Variants in MTBP observed in about 807,000 individuals in gnomAD.
MTBP encodes MDM2 binding protein.
A neutral mutation model predicts 117.0 loss-of-function variants in MTBP; 101 were observed. The observed-to-expected ratio is 0.86, with a 90% CI of 0.73 to 1.02. The LOEUF is 1.02. MTBP is among the 50% of genes least tolerant of loss of function. The pLI, the probability that MTBP is intolerant of heterozygous loss-of-function variation, is 0.00. For missense variants in MTBP, 970 were observed against 1,030.9 expected (o/e 0.94, Z 0.81); for synonymous variants, 350 against 351.5 (o/e 1.00, Z 0.05).
At chr8:120,501,882 C>T (rs1440191613) in intron 14 of MTBP, among the ~76,000 whole-genome samples, 1 of 152,142 alleles carries the variant, frequency 6.6e-6, no homozygotes, top group East Asian at 1.9e-4. Context: ...ATATAGTTCA[C>T]TGCAGTGTAT....
chr8:120,454,000 T>G (rs780906819), intron 5 of MTBP, 95 bp downstream of exon 5: 22 of 659,600 alleles, frequency 3.3e-5, no homozygotes, highest in Non-Finnish European at 5.2e-5. Context: ...GTGTTCTCAC[T>G]CTAATCTTTA....
At chr8:120,496,887 C>G (rs1814476541) in intron 13 of MTBP, among the ~76,000 whole-genome samples, 1 of 152,176 alleles carries the variant, frequency 6.6e-6, no homozygotes, top group Non-Finnish European at 1.5e-5. Flanking sequence ...TCCAAGGTGG[C>G]TCTTCCTCTG....
intron 13 of MTBP, among the ~76,000 whole-genome samples, chr8:120,495,861 A>G (rs566810494): frequency 6.6e-6 from 1 of 151,890 alleles, no homozygotes; most frequent in South Asian, 2.1e-4. Flanking sequence ...GCTTTCTACA[A>G]TGCTTTTGTT....
chr8:120,468,564 G>A (rs1167514717), intron 10 of MTBP, among the ~76,000 whole-genome samples: 2 of 152,178 alleles, frequency 1.3e-5, no homozygotes, highest in East Asian at 3.9e-4. Flanking sequence ...GAGAGGTCAG[G>A]TGAATATGAT....
chr8:120,513,777 T>C (rs78653466), intron 17 of MTBP, among the ~76,000 whole-genome samples: 3,310 of 152,140 alleles, frequency 0.022, 59 homozygotes, highest in Middle Eastern at 0.054. Flanking sequence ...GCCAGACTCT[T>C]GAAATTCACA....
rs187575191 is a variant in MTBP at position 120,466,242 on chromosome 8, C to T, written c.1047+2481C>T. Among the ~76,000 whole-genome samples the T allele has an allele frequency of 5.3e-3, 736 of 139,580 alleles. 8 individuals are homozygous for T. Among genetic ancestry groups the T allele is most frequent in the African/African-American group, 0.018 (654 of 36,196 alleles). The allele number at this position is 139,580 out of a possible 152,430, so 91.6% of individuals were successfully genotyped here. A position where few individuals can be genotyped will look rare whatever the true frequency, so the allele number is the denominator to read the frequency against. ...TTTTTTTTTTTTTTAGACGGAGTCT[C>T]GCTCTATTGCCCAGGCTGGAGTGCA... On this transcript the variant is annotated intron_variant, in intron 10 of 21. Coordinates refer to ENST00000305949, the MANE Select transcript of MTBP (RefSeq NM_022045.5).
intron 12 of MTBP, among the ~76,000 whole-genome samples, chr8:120,488,675 T>G (rs1054753676): frequency 6.6e-6 from 1 of 152,198 alleles, no homozygotes; most frequent in African/African-American, 2.4e-5. Context: ...TCTATTTTAT[T>G]GCCCATCTTT....
chr8:120,453,629 T>C (rs1264366340), intron 4 of MTBP, among the ~76,000 whole-genome samples: 1 of 152,030 alleles, frequency 6.6e-6, no homozygotes, highest in East Asian at 1.9e-4. Context: ...CTAGCTTCCA[T>C]ACATACTAAT....
At chr8:120,515,252 G>T (rs1563806337) in intron 17 of MTBP, among the ~76,000 whole-genome samples, 1 of 152,006 alleles carries the variant, frequency 6.6e-6, no homozygotes, top group African/African-American at 2.4e-5. Flanking sequence ...AGGTCACACA[G>T]CTCCTAGGTG....
chr8:120,502,449 A>G (rs1814605549), intron 14 of MTBP, 43 bp from the exon 15 acceptor site: 1 of 1,320,862 alleles, frequency 7.6e-7, no homozygotes, highest in African/African-American at 1.5e-5. Context: ...AAAATTCAGT[A>G]TGATAATACT....
chr8:120,521,742 A>G (rs1266058975), intron 20 of MTBP, among the ~76,000 whole-genome samples: 1 of 152,230 alleles, frequency 6.6e-6, no homozygotes, highest in East Asian at 1.9e-4. Context: ...TTCCTTTTGT[A>G]TGTCATTCTT....
rs1378490244 is a variant in MTBP at position 120,490,484 on chromosome 8, C to G, written c.1361C>G (p.Ser454Ter). Residue 454 changes from serine (S) to a stop codon, truncating the protein, a stop_gained, in exon 13 of 22, where the codon TCA becomes TGA. Transcript: ENST00000305949. LOFTEE classifies it high-confidence loss of function. ...TCAGGTTTTCCTTTTGACTTATTAT[C>G]ACTTCCACATTTTTCTGGGGAGCAG... ...AKLSFPFDLL[S>*]LPHFSGEQIV... 10 of 1,599,998 alleles carry G rather than the reference C, an allele frequency of 6.3e-6. No homozygotes were observed. The African/African-American group carries it at 9.5e-5, about 15-fold the overall frequency.
intron 10 of MTBP, among the ~76,000 whole-genome samples, chr8:120,469,688 T>G (rs563486599): frequency 6.6e-6 from 1 of 152,248 alleles, no homozygotes; most frequent in South Asian, 2.1e-4. Context: ...TTCCATAGTC[T>G]AAAATAAACA....
intron 9 of MTBP, among the ~76,000 whole-genome samples, 194 bp from the exon 10 acceptor site, chr8:120,463,498 A>G (rs189766525): frequency 6.8e-4 from 103 of 152,258 alleles, no homozygotes; most frequent in Non-Finnish European, 1.1e-3. Flanking sequence ...GTTTCTTAGC[A>G]TATTTTCAGA....
At chr8:120,494,517 C>T (rs1338223275) in intron 13 of MTBP, among the ~76,000 whole-genome samples, 1 of 152,184 alleles carries the variant, frequency 6.6e-6, no homozygotes, top group African/African-American at 2.4e-5. Context: ...ATCCTCAGCT[C>T]TTCCAGGTGG....
At chr8:120,522,810 C>T (rs12681110) in intron 21 of MTBP, 91 bp downstream of exon 21, 341,427 of 910,394 alleles carry the variant, frequency 0.38, 70,676 homozygotes, top group African/African-American at 0.8. Context: ...CAGCAGTAAT[C>T]AGTTACTGGT....
At position 120,523,342 on chromosome 8, in the gene MTBP, A is replaced by G. The variant is rs201149091; in HGVS notation, c.*6A>G. The G allele has an allele frequency of 2.2e-4, 337 of 1,529,402 alleles. No homozygotes were observed. Among genetic ancestry groups the G allele is most frequent in the Admixed American group, 1.1e-3 (60 of 54,678 alleles). The allele number at this position is 1,529,402 out of a possible 1,614,324, so 94.7% of individuals were successfully genotyped here. On this transcript the variant is annotated 3_prime_UTR_variant, in exon 22 of 22. Transcript: ENST00000305949. ...AAAAGACAAGCAAGAAATGATACAT[A>G]ATCATTCTCTTTAAGACAATTATAA...
intron 20 of MTBP, among the ~76,000 whole-genome samples, chr8:120,520,089 A>G (rs1272556322): frequency 6.6e-6 from 1 of 152,186 alleles, no homozygotes; most frequent in African/African-American, 2.4e-5. Flanking sequence ...AAATATGACT[A>G]GACAGCCATG....
chr8:120,517,168 C>A (rs1465279217), intron 18 of MTBP, among the ~76,000 whole-genome samples: 16 of 151,912 alleles, frequency 1.1e-4, no homozygotes, highest in Admixed American at 1.1e-3. Context: ...TTGTCAGGAA[C>A]AAATGTAAAC....
Sources: gnomAD v4.1 joint callset for allele counts (sites outside exome capture counted in the v4.1 genomes callset) on GRCh38, gnomAD v4.1.1 for gene constraint, MANE v1.5 for transcripts, NCBI Gene and HGNC (gene_info 2026-07-23, HGNC 2026-07-21) for gene names.